The following PINX1 variants were observed in gnomAD, a reference collection of about 807,000 sequenced individuals.
PINX1 encodes the protein PIN2/TERF1-interacting telomerase inhibitor 1.
In PINX1, 34 loss-of-function variants were observed where a neutral mutation model predicts 25.4. The ratio of observed to expected loss-of-function variants is 1.34; its 90% CI spans 1.02 to 1.78. The LOEUF is 1.78. Ranked by LOEUF, PINX1 falls within the 40% of genes most tolerant of loss-of-function variation. The pLI is 0.00. For synonymous variants in PINX1, 197 were observed against 147.7 expected (o/e 1.33, Z -2.42); for missense variants, 592 against 404.9 (o/e 1.46, Z -3.97).
chr8:10,835,427 T>C, intron 1 of PINX1, among the ~76,000 whole-genome samples: 1 of 152,206 alleles, frequency 6.6e-6, no homozygotes, highest in East Asian at 1.9e-4. Context: ...ATATTCTTAA[T>C]TCACAACATA....
intron 5 of PINX1, among the ~76,000 whole-genome samples, chr8:10,823,311 T>G (rs1797933372): frequency 6.6e-6 from 1 of 152,256 alleles, no homozygotes; most frequent in South Asian, 2.1e-4. Context: ...GATTAAGAAG[T>G]CTGCAAGATT....
intron 5 of PINX1, 25 bp from the exon 6 acceptor site, chr8:10,820,294 CA>C: frequency 6.6e-7 from 1 of 1,504,398 alleles, no homozygotes; most frequent in African/African-American, 1.4e-5. Context: ...TGATGCTTTT[CA>C]GTAAGACTGT....
chr8:10,824,708 G>C (rs1797983258), intron 5 of PINX1, among the ~76,000 whole-genome samples: 1 of 152,216 alleles, frequency 6.6e-6, no homozygotes, highest in Admixed American at 6.5e-5. Context: ...GGCATCAAAG[G>C]AAAATTAGAA....
chr8:10,782,420 T>TAA (rs35052965), intron 6 of PINX1, among the ~76,000 whole-genome samples: 65 of 143,008 alleles, frequency 4.5e-4, no homozygotes, highest in African/African-American at 1.2e-3. Flanking sequence ...ATATACTCGA[T>TAA]AAAAAAAAAA....
Position 10,765,598 on chromosome 8 carries a change from G to A in PINX1, c.790C>T (p.Pro264Ser). Residue 264 changes from proline (P) to serine (S), a missense_variant, in exon 7 of 7, where the codon CCC (proline) becomes TCC (serine). Transcript: ENST00000314787. ...SAPAEEQLRGPCWDQSSKASA... is the reference protein window; with the variant it reads ...SAPAEEQLRGSCWDQSSKASA... The stretch of plus-strand genomic sequence containing the variant: ...GCCTTGGAACTCTGGTCCCAGCAGG[G>A]GCCTCTGAGCTGCTCTTCTGCTGGC... The A allele has an allele frequency of 1.9e-6, 3 of 1,613,688 alleles. No homozygotes were observed. Among genetic ancestry groups the A allele is most frequent in the Non-Finnish European group, 2.5e-6 (3 of 1,179,836 alleles).
rs928678989 is a variant in PINX1, at chr8:10,787,927, T to C, written c.472-22011A>G. ...ATATACAGACCTTGTTAGATTCAAATACATATTCAAAGTAAAAAGTTATTA... is the reference window on the plus strand; with the variant it reads ...ATATACAGACCTTGTTAGATTCAAACACATATTCAAAGTAAAAAGTTATTA... On this transcript the variant is annotated intron_variant, in intron 6 of 6. Transcript: ENST00000314787. 13 of 389,402 alleles carry C rather than the reference T, an allele frequency of 3.3e-5. 1 individual carries two copies. Among genetic ancestry groups the C allele is most frequent in the Middle Eastern group, 6.1e-4 (1 of 1,648 alleles). 24.1% of individuals were successfully genotyped at this position (389,402 alleles called of 1,614,324 possible).
chr8:10,820,860 G>T (rs1051766461), intron 5 of PINX1, among the ~76,000 whole-genome samples: 9 of 152,182 alleles, frequency 5.9e-5, no homozygotes, highest in African/African-American at 1.9e-4. Flanking sequence ...TTCTTAAAAT[G>T]TTCTTTACTG....
chr8:10,765,900 G>A lies in PINX1; in HGVS notation c.488C>T (p.Ser163Phe), dbSNP rs1243469633. Residue 163 changes from serine to phenylalanine, a missense_variant, in exon 7 of 7, where the codon TCC (serine) becomes TTC (phenylalanine). Coordinates refer to ENST00000314787, the MANE Select transcript of PINX1 (RefSeq NM_017884.6). ...CGTGGTTTCGTTCTCCTCTGGAGTG[G>A]AGGGACTGGCATCGCCCTATGGTGG... Reference protein sequence around the residue: ...KKTPEGDASPSTPEENETTTT... With the variant: ...KKTPEGDASPFTPEENETTTT... 1 of 1,613,642 alleles carries A rather than the reference G, an allele frequency of 6.2e-7. No individual in the cohort carries two copies. The highest frequency in any genetic ancestry group is 1.3e-5 in the African/African-American group (1 of 74,916).
chr8:10,794,523 G>A (rs2005310), intron 6 of PINX1, among the ~76,000 whole-genome samples: 24,514 of 151,428 alleles, frequency 0.16, 2,459 homozygotes, highest in Non-Finnish European at 0.23. Flanking sequence ...CAACACCTCC[G>A]CCTTCTGGTT....
Position 10,831,719 on chromosome 8 carries a change from C to G in PINX1, c.247G>C (p.Asp83His), listed in dbSNP as rs1322189083. 6 of 1,598,026 alleles carry G rather than the reference C, an allele frequency of 3.8e-6. No individual in the cohort carries two copies. Among genetic ancestry groups the G allele is most frequent in the Non-Finnish European group, 5.1e-6 (6 of 1,170,488 alleles). Reference sequence around the variant, plus strand: ...AGTTCGGCCAGAAGCTGGTTAAAATCATCCTGATGGGCAATCCAGTTGTCC... The same window carrying G: ...AGTTCGGCCAGAAGCTGGTTAAAATGATCCTGATGGGCAATCCAGTTGTCC... ...NEDNWIAHQD[D>H]FNQLLAELNT... The change falls in exon 4 of 7, where the codon GAT (aspartate) becomes CAT (histidine). Residue 83 changes from aspartate (D) to histidine (H), a missense_variant. Physicochemically the swap from Asp to His is moderately conservative, Grantham distance 81. Coordinates refer to ENST00000314787, the MANE Select transcript of PINX1 (RefSeq NM_017884.6).
chr8:10,795,687 T>C (rs1490892473), intron 6 of PINX1, among the ~76,000 whole-genome samples: 1 of 152,236 alleles, frequency 6.6e-6, no homozygotes, highest in Non-Finnish European at 1.5e-5. Context: ...ACTTTATGAC[T>C]TATTTTTATA....
Position 10,839,810 on chromosome 8 carries a change from G to C in PINX1, c.-54C>G, listed in dbSNP as rs977114890. 1.3e-5 allele frequency: 21 copies of C among 1,566,720 alleles called. No individual in the cohort carries two copies. The highest frequency in any genetic ancestry group is 1.2e-4 in the East Asian group (5 of 42,902). The stretch of plus-strand genomic sequence containing the variant: ...TGGACCTGGGTGACTGCGGCCACTG[G>C]GCGGGCTGGAGACTCCAGGAGAATC... On this transcript the variant is annotated 5_prime_UTR_variant, in exon 1 of 7. Transcript: ENST00000314787.
Position 10,805,608 on chromosome 8 carries a change from AGCG to A in PINX1, c.471+14582_471+14584del, listed in dbSNP as rs1309054854. On this transcript the variant is annotated intron_variant, in intron 6 of 6. Coordinates refer to ENST00000314787, the MANE Select transcript of PINX1 (RefSeq NM_017884.6). ...ACAGAGCACAGGAAGGGGCCACACTAGCGCTGAGTGGGTGACGGAGCACAGGAA... is the reference window on the plus strand; with the variant it reads ...ACAGAGCACAGGAAGGGGCCACACTACTGAGTGGGTGACGGAGCACAGGAA... 1.1e-3 allele frequency among the ~76,000 whole-genome samples: 138 copies of A among 120,594 alleles called. 6 individuals carry two copies. The highest frequency in any genetic ancestry group is 4.3e-3 in the African/African-American group (129 of 29,884). 79.1% of individuals were successfully genotyped at this position (120,594 alleles called of 152,430 possible).
intron 4 of PINX1, among the ~76,000 whole-genome samples, chr8:10,829,211 G>A (rs952561445): frequency 6.0e-5 from 9 of 151,176 alleles, no homozygotes; most frequent in South Asian, 4.2e-4. Flanking sequence ...GCTTGAACCC[G>A]GGAGGCGGAG....
intron 2 of PINX1, chr8:10,833,831 G>A (rs1798308394): frequency 6.4e-6 from 1 of 156,134 alleles, no homozygotes; most frequent in Non-Finnish European, 1.4e-5. Context: ...TCAGGTTTCT[G>A]GCTTGTGTAA....
rs1798330239 is a variant in PINX1, at chr8:10,834,416, G to A, written c.129+250C>T. The A allele has an allele frequency of 8.7e-6, 4 of 459,342 alleles. No homozygotes were observed. In the South Asian group the frequency reaches 1.3e-4, roughly 15 times the overall value. The allele number at this position is 459,342 out of a possible 1,614,324, so 28.5% of individuals were successfully genotyped here. ...ACTGGAGTCAAGAATAAATGGAAAG[G>A]GAAAAAGCGTGTAGCCTAGTTGCAA... On this transcript the variant is annotated intron_variant, in intron 2 of 6. Coordinates refer to ENST00000314787, the MANE Select transcript of PINX1 (RefSeq NM_017884.6).
chr8:10,772,621 G>A (rs1801262300), intron 6 of PINX1, among the ~76,000 whole-genome samples: 1 of 152,214 alleles, frequency 6.6e-6, no homozygotes, highest in Non-Finnish European at 1.5e-5. Context: ...CAGCCTCGGG[G>A]AATTTGCCTG....
intron 6 of PINX1, among the ~76,000 whole-genome samples, chr8:10,769,962 G>A (rs1586127858): frequency 6.6e-6 from 1 of 152,138 alleles, no homozygotes; most frequent in South Asian, 2.1e-4. Flanking sequence ...AATATCCACA[G>A]AAATAGTACT....
rs1802225698 is a variant in PINX1, at chr8:10,800,301, G to A, written c.471+19892C>T. On this transcript the variant is annotated intron_variant, in intron 6 of 6. Coordinates refer to ENST00000314787, the MANE Select transcript of PINX1 (RefSeq NM_017884.6). ...CTTAAGAGTCAACCTGTTGCTAAAC[G>A]ACACTGATGCAATCAGATGTTACCG... is the stretch of plus-strand genomic sequence containing the variant. 3.9e-5 allele frequency among the ~76,000 whole-genome samples: 6 copies of A among 152,272 alleles called. No homozygotes were observed. The South Asian group carries it at 1.0e-3, about 26-fold the overall frequency.
Sources: gnomAD v4.1 joint callset for allele counts (sites outside exome capture counted in the v4.1 genomes callset) on GRCh38, gnomAD v4.1.1 for gene constraint, MANE v1.5 for transcripts, NCBI Gene and HGNC (gene_info 2026-07-23, HGNC 2026-07-21) for gene names.